The following ESR2 variants were observed in gnomAD, a reference collection of about 807,000 sequenced individuals.
The protein encoded by ESR2 is estrogen receptor beta.
ESR2 carries 36 observed loss-of-function variants against 49.6 expected under a neutral mutation model. That is an observed-to-expected ratio of 0.73 (90% CI 0.56 to 0.96). The LOEUF (loss-of-function observed/expected upper bound fraction) is 0.96. Among genes scored for constraint, ESR2 ranks in the 40% least tolerant of loss-of-function variants. ESR2 has a pLI of 0.00. For missense variants in ESR2, 714 were observed against 693.0 expected (o/e 1.03, Z -0.34); for synonymous variants, 320 against 266.1 (o/e 1.20, Z -1.97).
At chr14:64,325,005 A>G (rs1023631259) in intron 1 of ESR2, among the ~76,000 whole-genome samples, 1 of 152,196 alleles carries the variant, frequency 6.6e-6, no homozygotes, top group African/African-American at 2.4e-5. Flanking sequence ...TCCACTGTTG[A>G]TGGAGTGGAA....
intron 3 of ESR2, among the ~76,000 whole-genome samples, chr14:64,274,858 C>T (rs2076524631): frequency 6.6e-6 from 1 of 152,186 alleles, no homozygotes; most frequent in South Asian, 2.1e-4. Flanking sequence ...TCTTCATTGA[C>T]ACACTGGTTG....
chr14:64,282,271 G>C (rs1386293108), intron 2 of ESR2, among the ~76,000 whole-genome samples: 1 of 152,214 alleles, frequency 6.6e-6, no homozygotes, highest in African/African-American at 2.4e-5. Flanking sequence ...CTTGAACCCA[G>C]GAGGTGAAGG....
At chr14:64,256,455 A>G (rs2076097754) in intron 6 of ESR2, among the ~76,000 whole-genome samples, 1 of 152,216 alleles carries the variant, frequency 6.6e-6, no homozygotes, top group Non-Finnish European at 1.5e-5. Flanking sequence ...CAGATCGGGC[A>G]TGGTGGCTCA....
At chr14:64,334,301 G>A (rs935668508) in intron 1 of ESR2, among the ~76,000 whole-genome samples, 3 of 152,112 alleles carry the variant, frequency 2.0e-5, no homozygotes, top group Admixed American at 2.0e-4. Context: ...TCCAGCTAAC[G>A]GCCTCTTTTG....
chr14:64,273,191 T>C (rs1314068251), intron 3 of ESR2, among the ~76,000 whole-genome samples: 9 of 152,228 alleles, frequency 5.9e-5, no homozygotes, highest in Non-Finnish European at 4.4e-5. Flanking sequence ...GCAACTTTAC[T>C]GAATTTATTA....
chr14:64,230,246 G>A lies in ESR2; in HGVS notation c.*2891C>T, dbSNP rs376245979. 1.4e-4 allele frequency among the ~76,000 whole-genome samples: 21 copies of A among 150,574 alleles called. No individual in the cohort carries two copies. The highest frequency in any genetic ancestry group is 5.1e-4 in the African/African-American group (21 of 41,054). ...AAATCTTATTAAGTGAGGATACTTTGTTTCAAAATAGGCCTATAAACAGAA... is the reference window on the plus strand; with the variant it reads ...AAATCTTATTAAGTGAGGATACTTTATTTCAAAATAGGCCTATAAACAGAA... On this transcript the variant is annotated 3_prime_UTR_variant, in exon 9 of 9. Coordinates refer to ENST00000341099, the MANE Select transcript of ESR2 (RefSeq NM_001437.3).
At chr14:64,298,300 G>A (rs1161113010), upstream of ESR2, 1 of 152,084 alleles carries the variant, frequency 6.6e-6, no homozygotes, top group Non-Finnish European at 1.5e-5. Context: ...TTTACAGATG[G>A]GAAAACTGAG....
At chr14:64,227,595 T>A (rs753381745), downstream of ESR2, 50 of 1,614,044 alleles carry the variant, frequency 3.1e-5, no homozygotes, top group East Asian at 4.5e-5. Context: ...GAGGTGAGTG[T>A]TTGAGAGGCC....
chr14:64,246,750 AAAAAAAAAAAAAAAAAAC>A (rs1191551221), intron 7 of ESR2, among the ~76,000 whole-genome samples: 7 of 144,282 alleles, frequency 4.9e-5, no homozygotes, highest in African/African-American at 1.9e-4. Flanking sequence ...AAAAAAAAAA[AAAAAAAAAAAAAAAAAAC>A]ACACCTGGCT....
chr14:64,311,532 C>G (rs1015623140), intron 1 of ESR2, among the ~76,000 whole-genome samples: 2 of 151,100 alleles, frequency 1.3e-5, no homozygotes, highest in African/African-American at 4.9e-5. Context: ...CCCAGCTACT[C>G]AGGAGGCAGA....
rs1176943893 is a variant in ESR2 at position 64,262,188 on chromosome 14, C to T, written c.653-1440G>A. Among the ~76,000 whole-genome samples, 8 of 151,078 alleles carry T rather than the reference C, an allele frequency of 5.3e-5. No homozygotes were observed. In the East Asian group the frequency reaches 1.6e-3, roughly 29 times the overall value. On this transcript the variant is annotated intron_variant, in intron 4 of 8. Transcript: ENST00000341099. The stretch of plus-strand genomic sequence containing the variant: ...TGGTGGTACAGTCATGATCACAGCT[C>T]ACTGCAGCCTCAACCTCCCAGGCTC...
At chr14:64,329,103 G>A (rs1479759874) in intron 1 of ESR2, among the ~76,000 whole-genome samples, 1 of 152,128 alleles carries the variant, frequency 6.6e-6, no homozygotes, top group African/African-American at 2.4e-5. Context: ...AAATATTAAA[G>A]GTACTGGAGA....
At chr14:64,330,244 A>G (rs1246222402) in intron 1 of ESR2, 1 of 152,284 alleles carries the variant, frequency 6.6e-6, no homozygotes, top group Admixed American at 6.6e-5. Flanking sequence ...AGCCTGACCA[A>G]TATGGAGAAA....
At chr14:64,243,276 T>A (rs1463032482) in intron 7 of ESR2, among the ~76,000 whole-genome samples, 1 of 152,316 alleles carries the variant, frequency 6.6e-6, no homozygotes, top group East Asian at 1.9e-4. Context: ...TGGGCATAGT[T>A]TGTGGCACCC....
chr14:64,285,817 ACT>A (rs2076774304), intron 1 of ESR2, among the ~76,000 whole-genome samples: 1 of 124,576 alleles, frequency 8.0e-6, no homozygotes, highest in Non-Finnish European at 1.7e-5. Flanking sequence ...ACAGAGTGAG[ACT>A]CTGTCTCAAA....
chr14:64,288,138 C>T (rs1325694277), intron 1 of ESR2, among the ~76,000 whole-genome samples: 1 of 152,164 alleles, frequency 6.6e-6, no homozygotes, highest in East Asian at 1.9e-4. Context: ...CTGTATTTGG[C>T]CCTCTCAGGT....
rs116186140 is a variant in ESR2 at position 64,291,324 on chromosome 14, C to T, written c.-91+2709G>A. Among the ~76,000 whole-genome samples the T allele has an allele frequency of 4.9e-3, 746 of 152,286 alleles. 8 individuals are homozygous for T. The highest frequency in any genetic ancestry group is 0.017 in the African/African-American group (715 of 41,546). ...ACTCTCCTGCCCTCTCTCAAGTACACCCACACAAAGATTCTCCACTAAAAG... is the reference window on the plus strand; with the variant it reads ...ACTCTCCTGCCCTCTCTCAAGTACATCCACACAAAGATTCTCCACTAAAAG... On this transcript the variant is annotated intron_variant, in intron 1 of 8. Coordinates refer to ENST00000341099, the MANE Select transcript of ESR2 (RefSeq NM_001437.3).
downstream of ESR2, chr14:64,227,652 AAAGG>A: frequency 1.2e-6 from 2 of 1,613,696 alleles, no homozygotes; most frequent in South Asian, 2.2e-5. Context: ...AGTTGCAGTG[AAAGG>A]AAGTGTGGTC....
At chr14:64,234,943 A>G in intron 8 of ESR2, 27 bp downstream of exon 8, 1 of 1,606,254 alleles carries the variant, frequency 6.2e-7, no homozygotes, top group Non-Finnish European at 8.5e-7. Context: ...CCCAAGCCCA[A>G]GCAGAGCAGC....
Sources: allele counts gnomAD v4.1 joint callset (sites outside exome capture counted in the v4.1 genomes callset), GRCh38; gene constraint gnomAD v4.1.1; transcripts MANE v1.5; gene names NCBI Gene and HGNC (gene_info 2026-07-23, HGNC 2026-07-21).